Variants in ERBB4 observed in about 807,000 individuals in gnomAD.
ERBB4 encodes the protein erb-b2 receptor tyrosine kinase 4.
A neutral mutation model predicts 158.0 loss-of-function variants in ERBB4; 42 were observed. That is an observed-to-expected ratio of 0.27 (90% CI 0.21 to 0.34). The LOEUF (loss-of-function observed/expected upper bound fraction) is 0.34, where lower values mean the gene tolerates loss of function less well. Ranked by LOEUF, ERBB4 falls within the 10% of genes least tolerant of loss-of-function variation. The pLI, the probability that ERBB4 is intolerant of heterozygous loss-of-function variation, is 1.00. For missense variants in ERBB4, 1,333 were observed against 1,624.1 expected, an observed-to-expected ratio of 0.82 and a Z score of 3.08; for synonymous variants, 583 against 558.7, an observed-to-expected ratio of 1.04 and a Z score of -0.61.
chr2:212,461,680 G>A (rs1486719691), intron 1 of ERBB4, among the ~76,000 whole-genome samples: 1 of 152,114 alleles, frequency 6.6e-6, no homozygotes, highest in African/African-American at 2.4e-5. Flanking sequence ...GTTCCAAAAT[G>A]TGAGGATGTG....
intron 3 of ERBB4, among the ~76,000 whole-genome samples, chr2:211,800,785 T>C (rs150363679): frequency 2.6e-5 from 4 of 151,120 alleles, no homozygotes; most frequent in Admixed American, 6.6e-5. Context: ...GGCAGCACAA[T>C]AAAAAACTTC....
intron 16 of ERBB4, among the ~76,000 whole-genome samples, chr2:211,633,289 G>A (rs1267011707): frequency 1.3e-5 from 2 of 151,888 alleles, no homozygotes; most frequent in African/African-American, 2.4e-5. Context: ...ACACAAAGAC[G>A]TGCACCACAA....
chr2:211,559,093 AT>A (rs2067315781), intron 20 of ERBB4, among the ~76,000 whole-genome samples: 1 of 152,130 alleles, frequency 6.6e-6, no homozygotes, highest in Non-Finnish European at 1.5e-5. Flanking sequence ...ACAAATGTTC[AT>A]CCCCCATCCT....
intron 19 of ERBB4, among the ~76,000 whole-genome samples, chr2:211,611,467 A>C (rs1030894982): frequency 1.4e-5 from 1 of 70,318 alleles, no homozygotes; most frequent in Non-Finnish European, 3.0e-5. Flanking sequence ...GCTGCCACAC[A>C]CTCTTTAGGT....
chr2:211,566,721 A>G (rs2067559656), intron 19 of ERBB4, among the ~76,000 whole-genome samples: 1 of 152,190 alleles, frequency 6.6e-6, no homozygotes. Flanking sequence ...AATCAGCAAA[A>G]CATCTAATTA....
At chr2:212,404,696 C>T (rs2091297115) in intron 1 of ERBB4, among the ~76,000 whole-genome samples, 1 of 151,936 alleles carries the variant, frequency 6.6e-6, no homozygotes, top group African/African-American at 2.4e-5. Flanking sequence ...AGGTTTGTTA[C>T]ATAAGTCAAC....
At chr2:211,864,222 C>A (rs2078145303) in intron 3 of ERBB4, among the ~76,000 whole-genome samples, 1 of 152,202 alleles carries the variant, frequency 6.6e-6, no homozygotes, top group South Asian at 2.1e-4. Flanking sequence ...TTCTGGGATG[C>A]TGCTGCTGTT....
intron 3 of ERBB4, among the ~76,000 whole-genome samples, chr2:211,944,884 G>A (rs1229339774): frequency 2.0e-5 from 3 of 152,096 alleles, no homozygotes; most frequent in Non-Finnish European, 4.4e-5. Flanking sequence ...AGTTAAAAAT[G>A]TAATACAGTA....
intron 2 of ERBB4, among the ~76,000 whole-genome samples, chr2:212,033,178 C>T (rs1035397262): frequency 9.2e-5 from 14 of 152,032 alleles, no homozygotes; most frequent in African/African-American, 3.1e-4. Context: ...ATGTTAGAGA[C>T]TGATTTATAT....
At chr2:211,650,382 G>T (rs1272334678) in intron 16 of ERBB4, among the ~76,000 whole-genome samples, 10 of 151,972 alleles carry the variant, frequency 6.6e-5, no homozygotes, top group Non-Finnish European at 1.5e-5. Context: ...AATTTTAAAA[G>T]TAGGTCATAC....
At chr2:211,649,032 T>TGC (rs2070884016) in intron 16 of ERBB4, among the ~76,000 whole-genome samples, 2 of 151,866 alleles carry the variant, frequency 1.3e-5, no homozygotes, top group Non-Finnish European at 3.0e-5. Flanking sequence ...TTCATATATG[T>TGC]CTTAGATTAG....
At chr2:211,828,003 A>G (rs1453795360) in intron 3 of ERBB4, among the ~76,000 whole-genome samples, 2 of 152,210 alleles carry the variant, frequency 1.3e-5, no homozygotes, top group Non-Finnish European at 2.9e-5. Flanking sequence ...CTATGCTAGA[A>G]TTCACATCTT....
At chr2:212,079,566 G>T (rs982264103) in intron 2 of ERBB4, among the ~76,000 whole-genome samples, 5 of 149,118 alleles carry the variant, frequency 3.4e-5, no homozygotes, top group Admixed American at 2.0e-4. Flanking sequence ...TAATATAAGG[G>T]TTATTGAAAT....
At chr2:211,825,151 CT>C (rs537642764) in intron 3 of ERBB4, among the ~76,000 whole-genome samples, 8 of 151,618 alleles carry the variant, frequency 5.3e-5, no homozygotes, top group African/African-American at 1.2e-4. Context: ...TCAAAAATCA[CT>C]TTTTTTTCAG....
intron 1 of ERBB4, among the ~76,000 whole-genome samples, chr2:212,387,681 G>A (rs1165072234): frequency 2.6e-5 from 4 of 152,116 alleles, no homozygotes; most frequent in Admixed American, 6.6e-5. Flanking sequence ...GCCTCCCAAA[G>A]TGCTGGGATT....
chr2:212,019,656 A>G (rs2076603846), intron 2 of ERBB4, among the ~76,000 whole-genome samples: 1 of 148,534 alleles, frequency 6.7e-6, no homozygotes, highest in Admixed American at 6.8e-5. Context: ...CCAGCTACTT[A>G]GGTGGCTGAG....
chr2:212,408,680 A>G (rs1422704018), intron 1 of ERBB4, among the ~76,000 whole-genome samples: 1 of 152,088 alleles, frequency 6.6e-6, no homozygotes, highest in African/African-American at 2.4e-5. Flanking sequence ...ACTGATGCTG[A>G]CACCACCACC....
intron 1 of ERBB4, among the ~76,000 whole-genome samples, chr2:212,537,279 G>A (rs537975985): frequency 5.5e-4 from 84 of 152,150 alleles, no homozygotes; most frequent in African/African-American, 2.0e-3. Context: ...CCACGCTCCA[G>A]TCACCATCCC....
rs114118482 is a variant in ERBB4, at chr2:212,065,483, C to T, written c.234+59269G>A. 3.5e-3 allele frequency among the ~76,000 whole-genome samples: 537 copies of T among 152,010 alleles called. 3 individuals are homozygous for T. The highest frequency in any genetic ancestry group is 6.8e-3 in the Middle Eastern group (2 of 294). ...TAACATATTGGATATGACAAATACC[C>T]ATGTATTATTAATCAAACATATTTA... On this transcript the variant is annotated intron_variant, in intron 2 of 27. Transcript: ENST00000342788.
Sources: allele counts gnomAD v4.1 joint callset (sites outside exome capture counted in the v4.1 genomes callset), GRCh38; gene constraint gnomAD v4.1.1; transcripts MANE v1.5; gene names NCBI Gene and HGNC (gene_info 2026-07-23, HGNC 2026-07-21).